FTCDNL1: variants seen among roughly 807,000 people sequenced by gnomAD.
FTCDNL1 encodes formiminotransferase cyclodeaminase N-terminal like, also known as formiminotransferase N-terminal subdomain-containing protein.
FTCDNL1 carries 11 observed loss-of-function variants against 5.9 expected under a neutral mutation model. The ratio of observed to expected loss-of-function variants is 1.87; its 90% CI spans 1.18 to 3.10. FTCDNL1 has a LOEUF of 3.10. FTCDNL1 is among the 30% of genes most tolerant of loss of function. FTCDNL1 has a pLI of 0.00. For synonymous variants in FTCDNL1, 58 were observed against 24.8 expected (o/e 2.34, Z -3.99); for missense variants, 115 against 65.5 (o/e 1.76, Z -2.61).
intron 3 of FTCDNL1, among the ~76,000 whole-genome samples, chr2:199,764,105 G>A (rs1698398153): frequency 6.6e-6 from 1 of 152,170 alleles, no homozygotes; most frequent in Non-Finnish European, 1.5e-5. Flanking sequence ...GCCTCCCAAA[G>A]TGTTGGGATA....
chr2:199,682,013 A>AT, the FTCDNL1 span, among the ~76,000 whole-genome samples: 1 of 152,000 alleles, frequency 6.6e-6, no homozygotes, highest in Non-Finnish European at 1.5e-5. Flanking sequence ...ATGCTGTCTC[A>AT]TTTTTTTGTT....
At chr2:199,813,611 C>A (rs1413883237) in intron 4 of FTCDNL1, among the ~76,000 whole-genome samples, 2 of 152,156 alleles carry the variant, frequency 1.3e-5, no homozygotes, top group Admixed American at 6.5e-5. Context: ...TCAACTCCCT[C>A]ATTAAATACT....
At chr2:199,695,946 C>T in the FTCDNL1 span, among the ~76,000 whole-genome samples, 1 of 152,198 alleles carries the variant, frequency 6.6e-6, no homozygotes, top group African/African-American at 2.4e-5. Context: ...ATCTGAGCAC[C>T]CTCCTGTCTG....
intron 3 of FTCDNL1, among the ~76,000 whole-genome samples, chr2:199,778,785 T>A (rs1310542524): frequency 6.6e-6 from 1 of 152,178 alleles, no homozygotes; most frequent in Non-Finnish European, 1.5e-5. Flanking sequence ...TGGCTGAAAA[T>A]AAACATGTTC....
chr2:199,753,088 G>A, the FTCDNL1 span, among the ~76,000 whole-genome samples: 1 of 152,146 alleles, frequency 6.6e-6, no homozygotes. Context: ...TTGCCTTCTT[G>A]AAGCTTACGC....
chr2:199,743,573 G>T, the FTCDNL1 span, among the ~76,000 whole-genome samples: 1 of 139,348 alleles, frequency 7.2e-6, no homozygotes, highest in Non-Finnish European at 1.6e-5. Flanking sequence ...TCCCTGACTT[G>T]CAGGCAAAGG....
intron 3 of FTCDNL1, among the ~76,000 whole-genome samples, chr2:199,765,025 CCTT>C (rs1698447150): frequency 6.6e-6 from 1 of 152,140 alleles, no homozygotes; most frequent in South Asian, 2.1e-4. Flanking sequence ...AGTATGTGGG[CCTT>C]CTTTCGCCCA....
At chr2:199,737,767 G>A in the FTCDNL1 span, among the ~76,000 whole-genome samples, 7 of 152,294 alleles carry the variant, frequency 4.6e-5, no homozygotes, top group East Asian at 7.7e-4. Context: ...GCTGAATAAC[G>A]TGAATAAAGA....
chr2:199,679,969 A>G, the FTCDNL1 span, among the ~76,000 whole-genome samples: 5 of 152,186 alleles, frequency 3.3e-5, no homozygotes, highest in Admixed American at 3.3e-4. Flanking sequence ...TAATTTAAAT[A>G]TATGTTAGTG....
rs1452163171 is a variant in FTCDNL1 at position 199,850,910 on chromosome 2, G to A, written c.-178C>T. The A allele has an allele frequency of 1.3e-5, 2 of 152,152 alleles. No homozygotes were observed. Among genetic ancestry groups the A allele is most frequent in the African/African-American group, 4.8e-5 (2 of 41,442 alleles). 9.4% of individuals were successfully genotyped at this position (152,152 alleles called of 1,614,324 possible). On this transcript the variant is annotated 5_prime_UTR_variant, in exon 1 of 5. Transcript: ENST00000420128. Reference sequence around the variant, plus strand: ...CACGTGGGCTGAAAGGGAACCCGAAGTGACTCCCGGCCTCCCCACAGGTCT... The same window carrying A: ...CACGTGGGCTGAAAGGGAACCCGAAATGACTCCCGGCCTCCCCACAGGTCT...
intron 3 of FTCDNL1, among the ~76,000 whole-genome samples, chr2:199,781,174 A>G (rs1699343848): frequency 1.3e-5 from 2 of 152,182 alleles, no homozygotes; most frequent in African/African-American, 2.4e-5. Context: ...TTGGTTATCC[A>G]GTATTTCTCC....
chr2:199,757,012 G>A (rs909395078), downstream of FTCDNL1, among the ~76,000 whole-genome samples: 1 of 152,072 alleles, frequency 6.6e-6, no homozygotes, highest in East Asian at 1.9e-4. Flanking sequence ...CAACAAGCAG[G>A]GCATGAATAA....
the FTCDNL1 span, among the ~76,000 whole-genome samples, chr2:199,718,575 A>C: frequency 1.3e-5 from 2 of 151,324 alleles, no homozygotes; most frequent in African/African-American, 4.9e-5. Flanking sequence ...CAGTAGTAGG[A>C]TTGCTGAATC....
the FTCDNL1 span, among the ~76,000 whole-genome samples, chr2:199,724,033 AG>A: frequency 6.6e-6 from 1 of 152,104 alleles, no homozygotes; most frequent in African/African-American, 2.4e-5. Context: ...TTTGGTTGGT[AG>A]GCTATTTATT....
the FTCDNL1 span, among the ~76,000 whole-genome samples, chr2:199,712,660 C>T: frequency 6.6e-6 from 1 of 152,176 alleles, no homozygotes. Context: ...GGCAAGAGGG[C>T]CCTGCTCTCT....
chr2:199,726,768 G>A, the FTCDNL1 span, among the ~76,000 whole-genome samples: 2 of 152,184 alleles, frequency 1.3e-5, no homozygotes, highest in Non-Finnish European at 2.9e-5. Flanking sequence ...AGCAAAGATG[G>A]CTTCCTTGTC....
At chr2:199,675,543 T>A in the FTCDNL1 span, among the ~76,000 whole-genome samples, 13 of 152,146 alleles carry the variant, frequency 8.5e-5, no homozygotes, top group Non-Finnish European at 1.5e-4. Flanking sequence ...TTTAACAAAA[T>A]AGAAATTGAT....
intron 3 of FTCDNL1, among the ~76,000 whole-genome samples, chr2:199,827,072 G>C (rs1702081472): frequency 6.6e-6 from 1 of 152,198 alleles, no homozygotes; most frequent in Non-Finnish European, 1.5e-5. Context: ...CACCAGAAGT[G>C]AGACACCTAG....
the FTCDNL1 span, among the ~76,000 whole-genome samples, chr2:199,720,895 C>T: frequency 1.5e-3 from 232 of 152,142 alleles, no homozygotes; most frequent in Non-Finnish European, 2.5e-3. Flanking sequence ...TTGTACTACA[C>T]GGTATAACAG....
Sources: allele counts gnomAD v4.1 joint callset (sites outside exome capture counted in the v4.1 genomes callset), GRCh38; gene constraint gnomAD v4.1.1; transcripts MANE v1.5; gene names NCBI Gene and HGNC (gene_info 2026-07-23, HGNC 2026-07-21).